The following MCF2L variants were observed in gnomAD, a reference collection of about 807,000 sequenced individuals.
MCF2L encodes MCF.2 cell line derived transforming sequence like.
Under a neutral mutation model 153.4 loss-of-function variants are expected in MCF2L, and 97 were observed. That is an observed-to-expected ratio of 0.63 (90% CI 0.54 to 0.75). MCF2L has a LOEUF of 0.75. Among genes scored for constraint, MCF2L ranks in the 30% least tolerant of loss-of-function variants. The pLI is 0.00. For synonymous variants in MCF2L, 659 were observed against 632.2 expected (o/e 1.04, Z -0.64); for missense variants, 1,347 against 1,495.2 (o/e 0.90, Z 1.64).
intron 2 of MCF2L, among the ~76,000 whole-genome samples, chr13:112,952,222 G>A (rs2081701850): frequency 6.6e-6 from 1 of 152,216 alleles, no homozygotes; most frequent in South Asian, 2.1e-4. Flanking sequence ...GAGGGAGGTG[G>A]AAGGCAGCAG....
At chr13:113,080,669 C>T (rs2141985118) in intron 15 of MCF2L, among the ~76,000 whole-genome samples, 1 of 152,334 alleles carries the variant, frequency 6.6e-6, no homozygotes, top group South Asian at 2.1e-4. Context: ...CTCCCCGGAC[C>T]ACCACTGCCC....
chr13:113,002,513 A>T (rs2083442469), intron 1 of MCF2L, among the ~76,000 whole-genome samples: 2 of 152,304 alleles, frequency 1.3e-5, no homozygotes, highest in African/African-American at 4.8e-5. Context: ...AGGACTTGGG[A>T]GGCCCCTGGC....
chr13:113,091,648 A>G (rs61966409), intron 26 of MCF2L, among the ~76,000 whole-genome samples: 128,227 of 151,206 alleles, frequency 0.85, 54,675 homozygotes, highest in South Asian at 0.9. Flanking sequence ...TCCCGGGGCC[A>G]ATGAGGCCGA....
chr13:113,007,890 T>C lies in MCF2L; in HGVS notation c.80-6873T>C, dbSNP rs935179971. On this transcript the variant is annotated intron_variant, in intron 1 of 29. Coordinates refer to ENST00000535094, the MANE Select transcript of MCF2L (RefSeq NM_001112732.3). ...TGACAAACTTTGTGCTTAAATGGGTTTTTAGTATGTGTATCTTTTCTTTTT... is the reference window on the plus strand; with the variant it reads ...TGACAAACTTTGTGCTTAAATGGGTCTTTAGTATGTGTATCTTTTCTTTTT... Among the ~76,000 whole-genome samples the C allele has an allele frequency of 1.3e-4, 20 of 150,642 alleles. 1 individual carries two copies. The highest frequency in any genetic ancestry group is 1.9e-4 in the Non-Finnish European group (13 of 67,614).
At position 112,969,415 on chromosome 13, in the gene MCF2L, G is replaced by A; in HGVS notation, c.36G>A (p.Leu12=). 1 of 1,550,472 alleles carries A rather than the reference G, an allele frequency of 6.4e-7. No homozygotes were observed. The highest frequency in any genetic ancestry group is 1.2e-5 in the South Asian group (1 of 84,052). ...RFWLRTEEMA[L]EEMVQRLNAV... is the part of the protein sequence containing the mutation. Reference sequence around the variant, plus strand: ...GGCTGAGGACTGAAGAGATGGCCTTGGAAGAAATGGTGCAGAGATTAAATG... The same window carrying A: ...GGCTGAGGACTGAAGAGATGGCCTTAGAAGAAATGGTGCAGAGATTAAATG... The change falls in exon 1 of 30, where the codon TTG becomes TTA. Residue 12 remains leucine, a synonymous_variant. Coordinates refer to ENST00000535094, the MANE Select transcript of MCF2L (RefSeq NM_001112732.3). This position sits in a 1 kb window ranked among gnomAD's most constrained non-coding sequence, Gnocchi z 4.8.
intron 17 of MCF2L, among the ~76,000 whole-genome samples, chr13:113,083,237 C>T (rs1221349165): frequency 2.0e-5 from 3 of 152,152 alleles, no homozygotes; most frequent in Non-Finnish European, 4.4e-5. Context: ...GGCTCCCATG[C>T]GGCCATGTGC....
chr13:112,899,338 CA>C (rs2140489409), intron 1 of MCF2L, among the ~76,000 whole-genome samples: 1 of 152,290 alleles, frequency 6.6e-6, no homozygotes, highest in African/African-American at 2.4e-5. Context: ...AGGTTTTGCC[CA>C]GGGGAAAGCA....
chr13:112,931,895 C>T (rs916753528), intron 2 of MCF2L, among the ~76,000 whole-genome samples: 4 of 152,292 alleles, frequency 2.6e-5, no homozygotes, highest in South Asian at 4.1e-4. Context: ...AAAGTCAAGT[C>T]GCGTTGTATT....
chr13:112,943,953 C>T lies in MCF2L; in HGVS notation c.169+41582C>T, dbSNP rs2081604878. ...GGAGCTGAGCCCTGCGGGCCAGGGG[C>T]GCAGAGAGGGTCCCGGGCCGTGAGG... On this transcript the variant is annotated intron_variant, in intron 2 of 29. Coordinates refer to the MCF2L transcript ENST00000375608. This position sits in a 1 kb window ranked among gnomAD's most constrained non-coding sequence, Gnocchi z 4.2. 6.8e-6 allele frequency among the ~76,000 whole-genome samples: 1 copy of T among 146,868 alleles called. No individual in the cohort carries two copies. Among genetic ancestry groups the T allele is most frequent in the Non-Finnish European group, 1.5e-5 (1 of 67,676 alleles).
At position 112,907,037 on chromosome 13, in the gene MCF2L, G is replaced by A. The variant is rs934157309; in HGVS notation, c.169+4666G>A. ...CACATTTGCCGCCTTGGGTGGAGTC[G>A]CGACATTGCTGTTTCTATGTCAGAA... On this transcript the variant is annotated intron_variant, in intron 2 of 29. Transcript: ENST00000375608. This position sits in a 1 kb window ranked among gnomAD's most constrained non-coding sequence, Gnocchi z 5.1. Among the ~76,000 whole-genome samples, 2 of 152,192 alleles carry A rather than the reference G, an allele frequency of 1.3e-5. No homozygotes were observed. The highest frequency in any genetic ancestry group is 2.4e-5 in the African/African-American group (1 of 41,452).
intron 2 of MCF2L, among the ~76,000 whole-genome samples, chr13:113,020,404 C>T (rs867141480): frequency 1.1e-4 from 17 of 152,216 alleles, no homozygotes; most frequent in African/African-American, 3.1e-4. Flanking sequence ...GCCCAGGACG[C>T]GTGTGCGTGT....
chr13:112,988,925 G>T (rs12871690), intron 1 of MCF2L, among the ~76,000 whole-genome samples: 2 of 122,648 alleles, frequency 1.6e-5, no homozygotes, highest in Non-Finnish European at 3.3e-5. Context: ...TACCACGCCC[G>T]AGTCCTCCCT....
In MCF2L at chr13:112,991,776, C is replaced by T. The variant is rs9577188; in HGVS notation, c.79+22318C>T. Among the ~76,000 whole-genome samples the T allele has an allele frequency of 5.0e-3, 756 of 152,282 alleles. 26 individuals carry two copies. In the East Asian group the frequency reaches 0.1, roughly 21 times the overall value. ...GCTCAGAGCCAGGAGCCCTTCCCTG[C>T]GGGTTAAGTTACCGGAAGTCATGTC... On this transcript the variant is annotated intron_variant, in intron 1 of 29. Transcript: ENST00000535094.
At position 113,086,140 on chromosome 13, in the gene MCF2L, G is replaced by A. The variant is rs1428022808; in HGVS notation, c.2264G>A (p.Ser755Asn). 1.9e-6 allele frequency: 3 copies of A among 1,608,600 alleles called. No individual in the cohort carries two copies. The highest frequency in any genetic ancestry group is 2.5e-6 in the Non-Finnish European group (3 of 1,177,696). ...GCCCCTCAGGAAATGCTGAAATACAGCAGGAACTGCGAGGGGGCTGAGGAC... is the reference window on the plus strand; with the variant it reads ...GCCCCTCAGGAAATGCTGAAATACAACAGGAACTGCGAGGGGGCTGAGGAC... Reference protein sequence around the residue: ...QLLLKEMLKYSRNCEGAEDLQ... With the variant: ...QLLLKEMLKYNRNCEGAEDLQ... The change falls in exon 21 of 30, where the codon AGC (serine) becomes AAC (asparagine). Residue 755 changes from serine to asparagine, a missense_variant. Physicochemically the swap from Ser to Asn is conservative, Grantham distance 46. Coordinates refer to ENST00000535094, the MANE Select transcript of MCF2L (RefSeq NM_001112732.3).
chr13:112,923,054 C>T (rs928410398), intron 2 of MCF2L, among the ~76,000 whole-genome samples: 1 of 152,124 alleles, frequency 6.6e-6, no homozygotes, highest in African/African-American at 2.4e-5. Context: ...TTAACAATTT[C>T]AGATGTACAG....
chr13:112,964,102 AGGG>A (rs2081864788), intron 2 of MCF2L, among the ~76,000 whole-genome samples: 1 of 132,066 alleles, frequency 7.6e-6, no homozygotes, highest in Non-Finnish European at 1.6e-5. Context: ...GCAGGGTTGC[AGGG>A]GGCGGGGGGG....
chr13:113,010,689 G>A (rs974235823), intron 1 of MCF2L, among the ~76,000 whole-genome samples: 9 of 152,232 alleles, frequency 5.9e-5, no homozygotes, highest in Admixed American at 4.6e-4. Flanking sequence ...GGCCTCAGAT[G>A]TGAGGCCCTA....
chr13:113,075,037 G>C lies in MCF2L; in HGVS notation c.1156G>C (p.Glu386Gln). 1.2e-6 allele frequency: 2 copies of C among 1,611,636 alleles called. No homozygotes were observed. The highest frequency in any genetic ancestry group is 1.7e-6 in the Non-Finnish European group (2 of 1,178,442). The change falls in exon 11 of 30, where the codon GAG (glutamate) becomes CAG (glutamine). Residue 386 changes from glutamate (E) to glutamine (Q), a missense_variant. Physicochemically the swap from Glu to Gln is conservative, Grantham distance 29. This residue lies in a region of MCF2L where 820 missense variants were observed against 921.2 expected (regional missense o/e 0.89). Coordinates refer to ENST00000535094, the MANE Select transcript of MCF2L (RefSeq NM_001112732.3). ...GGCCCGGGCCCTGTCTCTGGACGGCGAGCAGCTCATTGGGAACAAGCACTA... is the reference window on the plus strand; with the variant it reads ...GGCCCGGGCCCTGTCTCTGGACGGCCAGCAGCTCATTGGGAACAAGCACTA... ...ERARALSLDG[E>Q]QLIGNKHYAV... is the part of the protein sequence containing the mutation.
At chr13:113,077,526 C>T (rs1260773263) in intron 13 of MCF2L, among the ~76,000 whole-genome samples, 3 of 152,220 alleles carry the variant, frequency 2.0e-5, no homozygotes, top group Admixed American at 6.5e-5. Flanking sequence ...TGGCCCAAAA[C>T]TGGAAACACA....
Sources: gnomAD v4.1 joint callset for allele counts (sites outside exome capture counted in the v4.1 genomes callset) on GRCh38, gnomAD v4.1.1 for gene constraint, gnomAD v4.1.1 regional missense constraint, Gnocchi (gnomAD v3.1) non-coding constraint, MANE v1.5 for transcripts, NCBI Gene and HGNC (gene_info 2026-07-23, HGNC 2026-07-21) for gene names.